Variants in SDK1 observed in about 807,000 individuals in gnomAD.
The protein encoded by SDK1 is protein sidekick-1.
A neutral mutation model predicts 245.5 loss-of-function variants in SDK1; 157 were observed. The ratio of observed to expected loss-of-function variants is 0.64; its 90% CI spans 0.56 to 0.73. SDK1 has a LOEUF of 0.73. Ranked by LOEUF, SDK1 falls within the 30% of genes least tolerant of loss-of-function variation. SDK1 has a pLI of 0.00. For missense variants in SDK1, 3,583 were observed against 3,002.3 expected (o/e 1.19, Z -4.52); for synonymous variants, 1,647 against 1,278.5 (o/e 1.29, Z -6.15).
intron 8 of SDK1, among the ~76,000 whole-genome samples, chr7:3,960,122 A>G (rs1562575572): frequency 6.6e-6 from 1 of 152,208 alleles, no homozygotes; most frequent in Admixed American, 6.5e-5. Context: ...AAATCTTCAA[A>G]ACAGCTCCTA....
chr7:3,798,382 T>G (rs1450168047), intron 4 of SDK1, among the ~76,000 whole-genome samples: 2 of 151,948 alleles, frequency 1.3e-5, no homozygotes, highest in East Asian at 3.9e-4. Flanking sequence ...CACGCCCAGC[T>G]AATTTTTTGT....
intron 4 of SDK1, among the ~76,000 whole-genome samples, chr7:3,782,801 T>C (rs182633334): frequency 5.0e-4 from 76 of 152,378 alleles, no homozygotes; most frequent in African/African-American, 1.7e-3. Context: ...TTTTGCATTA[T>C]TGTAAAGTTG....
intron 14 of SDK1, among the ~76,000 whole-genome samples, chr7:4,010,499 A>T (rs886129077): frequency 1.9e-4 from 29 of 152,324 alleles, no homozygotes; most frequent in African/African-American, 7.0e-4. Context: ...GGGCTGCGAA[A>T]TACACAGCCC....
intron 16 of SDK1, among the ~76,000 whole-genome samples, chr7:4,014,512 C>T (rs1384292355): frequency 1.3e-5 from 2 of 152,198 alleles, no homozygotes; most frequent in Non-Finnish European, 2.9e-5. Context: ...TGCACATCAG[C>T]TCTCTGTTTG....
chr7:3,752,069 G>C (rs1779790722), intron 4 of SDK1, among the ~76,000 whole-genome samples: 1 of 152,156 alleles, frequency 6.6e-6, no homozygotes, highest in Non-Finnish European at 1.5e-5. Context: ...GCTTTTGGGA[G>C]AAAGTTAACC....
At chr7:4,024,740 G>C (rs1393590062) in intron 17 of SDK1, among the ~76,000 whole-genome samples, 1 of 152,242 alleles carries the variant, frequency 6.6e-6, no homozygotes, top group Admixed American at 6.5e-5. Context: ...GCTGGACAAT[G>C]CTGAGAAATG....
chr7:3,736,111 G>T (rs572656877), intron 4 of SDK1, among the ~76,000 whole-genome samples: 70 of 151,988 alleles, frequency 4.6e-4, no homozygotes, highest in Non-Finnish European at 8.1e-4. Flanking sequence ...TATATAATTT[G>T]CCAGTGTCTT....
At chr7:4,145,315 C>A (rs192822059) in intron 28 of SDK1, among the ~76,000 whole-genome samples, 16 of 152,212 alleles carry the variant, frequency 1.1e-4, no homozygotes, top group Admixed American at 7.2e-4. Context: ...GCCATGCTGT[C>A]TTTTGCAAGA....
intron 30 of SDK1, among the ~76,000 whole-genome samples, chr7:4,154,496 G>T (rs1398333414): frequency 6.6e-6 from 1 of 152,150 alleles, no homozygotes; most frequent in Non-Finnish European, 1.5e-5. Context: ...GGCCCGGGGA[G>T]TCACCAGGCA....
chr7:3,562,042 C>T (rs1779766283), intron 1 of SDK1, among the ~76,000 whole-genome samples: 1 of 152,166 alleles, frequency 6.6e-6, no homozygotes. Context: ...TTTTCAACAA[C>T]CCACAGCTGT....
intron 44 of SDK1, among the ~76,000 whole-genome samples, chr7:4,257,996 G>T (rs150892784): frequency 5.3e-5 from 8 of 152,290 alleles, no homozygotes; most frequent in African/African-American, 7.2e-5. Context: ...CAAACAACAG[G>T]AATCACTGCG....
At chr7:3,844,004 C>T (rs763773768) in intron 5 of SDK1, among the ~76,000 whole-genome samples, 11 of 152,064 alleles carry the variant, frequency 7.2e-5, no homozygotes, top group Admixed American at 3.3e-4. Context: ...AGAGTCTCAC[C>T]GTGTTGCCCA....
intron 16 of SDK1, among the ~76,000 whole-genome samples, 154 bp from the exon 17 acceptor site, chr7:4,017,017 G>A (rs969392820): frequency 2.6e-5 from 4 of 152,130 alleles, no homozygotes; most frequent in East Asian, 3.8e-4. Flanking sequence ...CAAAATCATC[G>A]AGTTGGGAAA....
chr7:3,764,036 G>A (rs75719751), intron 4 of SDK1, among the ~76,000 whole-genome samples: 1 of 152,142 alleles, frequency 6.6e-6, no homozygotes, highest in Non-Finnish European at 1.5e-5. Context: ...TACAGCCTTG[G>A]TATGGGGATT....
intron 31 of SDK1, among the ~76,000 whole-genome samples, chr7:4,159,126 G>T (rs1056180902): frequency 3.3e-5 from 5 of 152,240 alleles, no homozygotes; most frequent in African/African-American, 1.2e-4. Flanking sequence ...TAATAGCTCA[G>T]CTCCCAGGCT....
At position 3,725,905 on chromosome 7, in the gene SDK1, T is replaced by C. The variant is rs747610035; in HGVS notation, c.713+83800T>C. On this transcript the variant is annotated intron_variant, in intron 4 of 44. Transcript: ENST00000404826. ...TATTGAACAGTCAATTGATTCTGGGTTAAAACATGCTTACATCACAAAATA... is the reference window on the plus strand; with the variant it reads ...TATTGAACAGTCAATTGATTCTGGGCTAAAACATGCTTACATCACAAAATA... Among the ~76,000 whole-genome samples, 61 of 152,254 alleles carry C rather than the reference T, an allele frequency of 4.0e-4. 1 individual carries two copies. Among genetic ancestry groups the C allele is most frequent in the Non-Finnish European group, 1.6e-4 (11 of 68,048 alleles).
rs180735219 is a variant in SDK1 at position 3,759,461 on chromosome 7, G to A, written c.714-61989G>A. On this transcript the variant is annotated intron_variant, in intron 4 of 44. Transcript: ENST00000404826. Reference sequence around the variant, plus strand: ...GACTTTAAAGTATTAGTTAATGATGGTGAAAGCCAGCGACTGTGGACTGTC... The same window carrying A: ...GACTTTAAAGTATTAGTTAATGATGATGAAAGCCAGCGACTGTGGACTGTC... 2.0e-5 allele frequency among the ~76,000 whole-genome samples: 3 copies of A among 152,212 alleles called. No individual in the cohort carries two copies. In the East Asian group the frequency reaches 5.8e-4, roughly 29 times the overall value.
In SDK1 at chr7:3,950,960, T is replaced by G; in HGVS notation, c.885T>G (p.Ile295Met). 6.2e-7 allele frequency: 1 copy of G among 1,614,088 alleles called. No homozygotes were observed. Among genetic ancestry groups the G allele is most frequent in the African/African-American group, 1.3e-5 (1 of 75,024 alleles). The change falls in exon 6 of 45, where the codon ATT (isoleucine) becomes ATG (methionine). Residue 295 changes from isoleucine to methionine, a missense_variant. Coordinates refer to ENST00000404826, the MANE Select transcript of SDK1 (RefSeq NM_152744.4). ...CACCTGAAACCATGGCCCCAACCAT[T>G]GTGGTTCCCCCGGGCAACAGAAGTG... ...VGTPETMAPTIVVPPGNRSVV... is the reference protein window; with the variant it reads ...VGTPETMAPTMVVPPGNRSVV...
At chr7:3,538,590 C>T (rs1176348647) in intron 1 of SDK1, among the ~76,000 whole-genome samples, 1 of 152,148 alleles carries the variant, frequency 6.6e-6, no homozygotes, top group Admixed American at 6.5e-5. Flanking sequence ...CAATGCTGTC[C>T]ATATCTTGGA....
Sources: gnomAD v4.1 joint callset for allele counts (sites outside exome capture counted in the v4.1 genomes callset) on GRCh38, gnomAD v4.1.1 for gene constraint, MANE v1.5 for transcripts, NCBI Gene and HGNC (gene_info 2026-07-23, HGNC 2026-07-21) for gene names.